PAFAH1B2: variants seen among roughly 807,000 people sequenced by gnomAD.
PAFAH1B2 encodes the protein platelet activating factor acetylhydrolase 1b catalytic subunit 2.
Under a neutral mutation model 28.0 loss-of-function variants are expected in PAFAH1B2, and 8 were observed. That is an observed-to-expected ratio of 0.29 (90% confidence interval 0.17 to 0.52). PAFAH1B2 has a LOEUF of 0.52. PAFAH1B2 is among the 20% of genes least tolerant of loss of function. The pLI is 0.97. For synonymous variants in PAFAH1B2, 104 were observed against 103.2 expected (o/e 1.01, Z -0.05); for missense variants, 190 against 282.6 (o/e 0.67, Z 2.35).
chr11:117,152,599 TTTGAGACAAGG>T lies in PAFAH1B2; in HGVS notation c.81+73_81+83del. The stretch of plus-strand genomic sequence containing the variant: ...GTTTTTTGTCTGTTTTGTTTTAGTT[TTTGAGACAAGG>T]TCTCACTGTGTTGCCCAGGCTGATC... On this transcript the variant is annotated intron_variant, in intron 2 of 5. Coordinates refer to ENST00000527958, the MANE Select transcript of PAFAH1B2 (RefSeq NM_002572.4). The T allele has an allele frequency of 1.8e-5, 21 of 1,139,038 alleles. 1 individual carries two copies. The South Asian group carries it at 2.5e-4, about 14-fold the overall frequency. 70.6% of individuals were successfully genotyped at this position (1,139,038 alleles called of 1,614,324 possible).
At position 117,161,203 on chromosome 11, in the gene PAFAH1B2, C is replaced by T. The variant is rs1237550906; in HGVS notation, c.230C>T (p.Thr77Ile). 6.3e-7 allele frequency: 1 copy of T among 1,596,556 alleles called. No homozygotes were observed. ...CTGAATTTTGGAATTGGGGGAGATACAACAAGACATGTTTTGTGGAGACTA... is the reference window on the plus strand; with the variant it reads ...CTGAATTTTGGAATTGGGGGAGATATAACAAGACATGTTTTGTGGAGACTA... Reference protein sequence around the residue: ...HALNFGIGGDTTRHVLWRLKN... With the variant: ...HALNFGIGGDITRHVLWRLKN... Residue 77 changes from threonine to isoleucine, a missense_variant, in exon 4 of 6, where the codon ACA (threonine) becomes ATA (isoleucine). Transcript: ENST00000527958.
rs1423804852 is a variant in PAFAH1B2 at position 117,169,969 on chromosome 11, C to T, written c.*2270C>T. The T allele has an allele frequency of 9.5e-7, 1 of 1,052,976 alleles. No homozygotes were observed. Among genetic ancestry groups the T allele is most frequent in the African/African-American group, 1.7e-5 (1 of 60,372 alleles). The allele number at this position is 1,052,976 out of a possible 1,614,324, so 65.2% of individuals were successfully genotyped here. ...CCCTCAGCTCCTTTGCTCATGTGTA[C>T]AAACCTCAGATGTTACTACATTTTA... is the stretch of plus-strand genomic sequence containing the variant. On this transcript the variant is annotated 3_prime_UTR_variant, in exon 6 of 6. Transcript: ENST00000527958.
chr11:117,156,982 A>G (rs2134188630), intron 2 of PAFAH1B2, among the ~76,000 whole-genome samples: 1 of 151,066 alleles, frequency 6.6e-6, no homozygotes, highest in East Asian at 1.9e-4. Context: ...CATAGCTGCC[A>G]CTGTACTCCA....
At chr11:117,160,314 A>G (rs1421390004) in intron 3 of PAFAH1B2, among the ~76,000 whole-genome samples, 1 of 152,114 alleles carries the variant, frequency 6.6e-6, no homozygotes, top group African/African-American at 2.4e-5. Flanking sequence ...TCAAGTTATT[A>G]TTTGTATCTT....
At chr11:117,155,155 G>A (rs1001230414) in intron 2 of PAFAH1B2, among the ~76,000 whole-genome samples, 2 of 151,932 alleles carry the variant, frequency 1.3e-5, no homozygotes, top group African/African-American at 2.4e-5. Flanking sequence ...AGGTTTCCCC[G>A]TGTTGGTCAA....
In PAFAH1B2 at chr11:117,159,984, C is replaced by T. The variant is rs374728066; in HGVS notation, c.132C>T (p.Phe44=). 3.3e-4 allele frequency: 532 copies of T among 1,613,552 alleles called. No homozygotes were observed. The highest frequency in any genetic ancestry group is 4.1e-4 in the Non-Finnish European group (482 of 1,179,732). The change falls in exon 3 of 6, where the codon TTC becomes TTT. Residue 44 remains phenylalanine, a synonymous_variant. Transcript: ENST00000527958. ...AAGACAAAGAGCCTGATGTACTGTT[C>T]GTGGGAGACTCCATGGTGCAGTTAA... is the stretch of plus-strand genomic sequence containing the variant. ...DCKDKEPDVL[F]VGDSMVQLMQ... is the part of the protein sequence containing the mutation.
At chr11:117,173,934 A>T (rs192368709), downstream of PAFAH1B2, among the ~76,000 whole-genome samples, 10 of 152,330 alleles carry the variant, frequency 6.6e-5, no homozygotes, top group East Asian at 1.9e-3. Context: ...AATCACAGTG[A>T]AAACAGAAAG....
chr11:117,174,131 C>T (rs958255375), downstream of PAFAH1B2, among the ~76,000 whole-genome samples: 1 of 151,182 alleles, frequency 6.6e-6, no homozygotes, highest in Non-Finnish European at 1.5e-5. Flanking sequence ...GTGATTCTTA[C>T]AAAATCCTGC....
At chr11:117,164,958 CTTT>C (rs368887694) in intron 5 of PAFAH1B2, among the ~76,000 whole-genome samples, 5 of 132,226 alleles carry the variant, frequency 3.8e-5, no homozygotes, top group Non-Finnish European at 6.3e-5. Context: ...TTTCTTTTTT[CTTT>C]TTTTTTTTTT....
intron 1 of PAFAH1B2, among the ~76,000 whole-genome samples, chr11:117,149,512 G>A (rs966318137): frequency 1.5e-5 from 2 of 129,358 alleles, no homozygotes; most frequent in South Asian, 2.3e-4. Context: ...CTGCAAGCTC[G>A]GCCTCCCAGG....
chr11:117,152,257 G>A (rs2134176815), intron 1 of PAFAH1B2, among the ~76,000 whole-genome samples, 184 bp from the exon 2 acceptor site: 1 of 152,206 alleles, frequency 6.6e-6, no homozygotes, highest in Middle Eastern at 3.4e-3. Context: ...TATCTTTATG[G>A]GACTTAGTCA....
chr11:117,151,126 T>A (rs1956139219), intron 1 of PAFAH1B2, among the ~76,000 whole-genome samples: 1 of 152,154 alleles, frequency 6.6e-6, no homozygotes, highest in Non-Finnish European at 1.5e-5. Context: ...GTAATCTGGT[T>A]TCTTATTTGT....
chr11:117,144,565 GC>G (rs1955947521), intron 1 of PAFAH1B2, 147 bp downstream of exon 1: 1 of 176,176 alleles, frequency 5.7e-6, no homozygotes, highest in African/African-American at 2.4e-5. Context: ...CTTGGGGGGG[GC>G]CTCGCGAGCG....
At chr11:117,165,078 C>G (rs555316569) in intron 5 of PAFAH1B2, among the ~76,000 whole-genome samples, 1 of 149,672 alleles carries the variant, frequency 6.7e-6, no homozygotes, top group South Asian at 2.1e-4. Flanking sequence ...GCCTCAGCCT[C>G]CCGAGTAGCT....
chr11:117,153,760 C>T (rs867555131), intron 2 of PAFAH1B2, among the ~76,000 whole-genome samples: 2 of 151,930 alleles, frequency 1.3e-5, no homozygotes, highest in Non-Finnish European at 2.9e-5. Context: ...CACTCATTTC[C>T]CTTATCCCTG....
Position 117,158,853 on chromosome 11 carries a change from TG to T in PAFAH1B2, c.82-1078del, listed in dbSNP as rs1956310594. Among the ~76,000 whole-genome samples, 3 of 152,016 alleles carry T rather than the reference TG, an allele frequency of 2.0e-5. 1 individual carries two copies. Among genetic ancestry groups the T allele is most frequent in the Admixed American group, 2.0e-4 (3 of 15,248 alleles). The stretch of plus-strand genomic sequence containing the variant: ...AGAGGCGGGGTTTCACCATGTTGGC[TG>T]GGCTGGTCTCGAACTCCCAACCTCA... On this transcript the variant is annotated intron_variant, in intron 2 of 5. Coordinates refer to ENST00000527958, the MANE Select transcript of PAFAH1B2 (RefSeq NM_002572.4).
intron 5 of PAFAH1B2, among the ~76,000 whole-genome samples, 183 bp from the exon 6 acceptor site, chr11:117,167,238 A>C (rs1343334517): frequency 6.6e-6 from 1 of 152,152 alleles, no homozygotes. Flanking sequence ...GGAGGAAGGG[A>C]ACCCATGAAA....
chr11:117,167,690 C>T lies in PAFAH1B2; in HGVS notation c.681C>T (p.Thr227=). The change falls in exon 6 of 6, where the codon ACC becomes ACT. Residue 227 remains threonine (T), a synonymous_variant. Transcript: ENST00000527958. Reference sequence around the variant, plus strand: ...AAACACCTGAGGAGAAACAAACCACCATTGCCTGACTGGCTCTTATCAGTG... The same window carrying T: ...AAACACCTGAGGAGAAACAAACCACTATTGCCTGACTGGCTCTTATCAGTG... ...LEETPEEKQT[T]IA 1 of 1,547,050 alleles carries T rather than the reference C, an allele frequency of 6.5e-7. No individual in the cohort carries two copies. The highest frequency in any genetic ancestry group is 8.8e-7 in the Non-Finnish European group (1 of 1,139,178).
At position 117,170,479 on chromosome 11, in the gene PAFAH1B2, C is replaced by T. The variant is rs559052797; in HGVS notation, c.*2780C>T. 6.6e-5 allele frequency: 70 copies of T among 1,059,340 alleles called. No individual in the cohort carries two copies. The highest frequency in any genetic ancestry group is 7.3e-5 in the Non-Finnish European group (64 of 876,318). The allele number at this position is 1,059,340 out of a possible 1,614,324, so 65.6% of individuals were successfully genotyped here. ...GTCTTCCAGTCCATGTGTTCTCGGT[C>T]GCCGTAGACAGCGCTCTGGCTACCA... On this transcript the variant is annotated 3_prime_UTR_variant, in exon 6 of 6. Transcript: ENST00000527958.
Sources: gnomAD v4.1 joint callset for allele counts (sites outside exome capture counted in the v4.1 genomes callset) on GRCh38, gnomAD v4.1.1 for gene constraint, MANE v1.5 for transcripts, NCBI Gene and HGNC (gene_info 2026-07-23, HGNC 2026-07-21) for gene names.